SHANK2: variants seen among roughly 807,000 people sequenced by gnomAD.
The protein encoded by SHANK2 is SH3 and multiple ankyrin repeat domains protein 2.
In SHANK2, 43 loss-of-function variants were observed where a neutral mutation model predicts 133.7. That is an observed-to-expected ratio of 0.32 (90% CI 0.25 to 0.41). The LOEUF (loss-of-function observed/expected upper bound fraction) is 0.41. Among genes scored for constraint, SHANK2 ranks in the 10% least tolerant of loss-of-function variants. The pLI, the probability that SHANK2 is intolerant of heterozygous loss-of-function variation, is 1.00. For synonymous variants in SHANK2, 1,017 were observed against 952.8 expected (o/e 1.07, Z -1.24); for missense variants, 1,994 against 2,235.8 (o/e 0.89, Z 2.18).
chr11:70,515,328 T>C (rs1171297128), intron 17 of SHANK2, among the ~76,000 whole-genome samples: 4 of 152,220 alleles, frequency 2.6e-5, no homozygotes, highest in African/African-American at 9.7e-5. Flanking sequence ...CATGAACCAC[T>C]GCGCCTGGCC....
intron 10 of SHANK2, among the ~76,000 whole-genome samples, chr11:70,929,706 C>T (rs1555082187): frequency 6.6e-6 from 1 of 152,200 alleles, no homozygotes; most frequent in African/African-American, 2.4e-5. Context: ...AAACTATCTC[C>T]CCAACTCAAG....
chr11:71,090,289 GTGT>G (rs1951486582), intron 8 of SHANK2, among the ~76,000 whole-genome samples: 1 of 78,326 alleles, frequency 1.3e-5, no homozygotes, highest in African/African-American at 4.9e-5. Flanking sequence ...GTGTGTGTGT[GTGT>G]CCTGCTGCTT....
intron 15 of SHANK2, chr11:70,669,039 T>C (rs1287855714): frequency 1.3e-5 from 2 of 152,304 alleles, no homozygotes; most frequent in African/African-American, 4.8e-5. Context: ...CCTGGCGTTC[T>C]TTCCGGTGAG....
intron 14 of SHANK2, among the ~76,000 whole-genome samples, chr11:70,737,722 C>T (rs561535918): frequency 2.3e-4 from 35 of 152,310 alleles, no homozygotes; most frequent in Non-Finnish European, 2.8e-4. Flanking sequence ...ATCTGGAATG[C>T]GAGGGTGGTG....
At chr11:70,509,477 C>T (rs782426729) in intron 17 of SHANK2, among the ~76,000 whole-genome samples, 2 of 152,246 alleles carry the variant, frequency 1.3e-5, no homozygotes, top group Non-Finnish European at 2.9e-5. Flanking sequence ...CTGCACTCTT[C>T]CTTGCAGGAG....
chr11:70,515,005 G>C (rs2059247502), intron 17 of SHANK2, among the ~76,000 whole-genome samples: 1 of 152,212 alleles, frequency 6.6e-6, no homozygotes, highest in South Asian at 2.1e-4. Flanking sequence ...TAATAAATGA[G>C]AAAAGACAGT....
chr11:71,165,500 A>G (rs1374782180), intron 2 of SHANK2, among the ~76,000 whole-genome samples: 4 of 152,172 alleles, frequency 2.6e-5, no homozygotes, highest in African/African-American at 9.7e-5. Context: ...GCTGTGCAGC[A>G]GCCCCACAGC....
chr11:71,242,127 A>G (rs1954901662), intron 1 of SHANK2, among the ~76,000 whole-genome samples: 1 of 152,238 alleles, frequency 6.6e-6, no homozygotes, highest in Non-Finnish European at 1.5e-5. Context: ...GAGTGAATTA[A>G]GCCAGACTCA....
At chr11:71,153,636 G>A (rs1421064766) in intron 2 of SHANK2, among the ~76,000 whole-genome samples, 2 of 152,172 alleles carry the variant, frequency 1.3e-5, no homozygotes, top group African/African-American at 2.4e-5. Flanking sequence ...ACTTTGTCAA[G>A]GTTAGAGTTG....
At chr11:70,810,433 G>A (rs60054588) in intron 12 of SHANK2, among the ~76,000 whole-genome samples, 1 of 152,232 alleles carries the variant, frequency 6.6e-6, no homozygotes, top group South Asian at 2.1e-4. Flanking sequence ...CTGGCTCCCA[G>A]GCCAGCAGGG....
intron 2 of SHANK2, among the ~76,000 whole-genome samples, chr11:71,213,214 C>G (rs553177438): frequency 5.3e-5 from 8 of 151,878 alleles, no homozygotes; most frequent in Non-Finnish European, 1.2e-4. Flanking sequence ...AGCTGAGGGG[C>G]CAGGCACAGG....
intron 17 of SHANK2, among the ~76,000 whole-genome samples, chr11:70,550,335 G>A (rs1554977608): frequency 6.6e-6 from 1 of 152,192 alleles, no homozygotes; most frequent in African/African-American, 2.4e-5. Flanking sequence ...GTGGGCAGGA[G>A]CACAGCTGGT....
At chr11:71,236,130 G>A (rs1044662792) in intron 1 of SHANK2, among the ~76,000 whole-genome samples, 4 of 152,134 alleles carry the variant, frequency 2.6e-5, no homozygotes, top group African/African-American at 7.2e-5. Flanking sequence ...CTCGGGACCC[G>A]TCTCACCATC....
chr11:71,069,223 G>C (rs1951109714), intron 9 of SHANK2, among the ~76,000 whole-genome samples: 2 of 146,506 alleles, frequency 1.4e-5, no homozygotes, highest in African/African-American at 5.1e-5. Flanking sequence ...CTGTCACCAT[G>C]ACCACCACCA....
intron 10 of SHANK2, among the ~76,000 whole-genome samples, chr11:70,926,985 G>A (rs1477394720): frequency 1.3e-5 from 2 of 152,254 alleles, no homozygotes; most frequent in East Asian, 1.9e-4. Context: ...GCCTCCTGCT[G>A]GGTCCCTTTC....
chr11:71,113,272 A>G (rs1951920811), intron 5 of SHANK2, 21 bp downstream of exon 5: 1 of 1,550,526 alleles, frequency 6.4e-7, no homozygotes, highest in Admixed American at 2.0e-5. Flanking sequence ...ACGTGTAAAT[A>G]ACAGCCCGTT....
chr11:70,677,719 G>C (rs1555017544), intron 15 of SHANK2, among the ~76,000 whole-genome samples: 1 of 152,140 alleles, frequency 6.6e-6, no homozygotes, highest in East Asian at 1.9e-4. Flanking sequence ...CAGAAGCCCT[G>C]TTGAGGGCTC....
intron 11 of SHANK2, among the ~76,000 whole-genome samples, chr11:70,870,105 T>C (rs1555069884): frequency 2.0e-5 from 3 of 152,102 alleles, no homozygotes; most frequent in African/African-American, 4.8e-5. Flanking sequence ...CAATAATTAG[T>C]GTCCTTATAA....
chr11:70,910,366 C>T (rs1379472993), intron 10 of SHANK2, among the ~76,000 whole-genome samples: 1 of 152,218 alleles, frequency 6.6e-6, no homozygotes, highest in African/African-American at 2.4e-5. Flanking sequence ...GAATCTCTCC[C>T]CTCACGTGGT....
Sources: allele counts gnomAD v4.1 joint callset (sites outside exome capture counted in the v4.1 genomes callset), GRCh38; gene constraint gnomAD v4.1.1; transcripts MANE v1.5; gene names NCBI Gene and HGNC (gene_info 2026-07-23, HGNC 2026-07-21).